Variants in ENOX2 observed in about 807,000 individuals in gnomAD.
ENOX2 encodes the protein APK1 antigen.
Under a neutral mutation model 45.0 loss-of-function variants are expected in ENOX2, and 36 were observed. The observed-to-expected ratio is 0.80, with a 90% CI of 0.61 to 1.06. The LOEUF (loss-of-function observed/expected upper bound fraction) is 1.06. Among genes scored for constraint, ENOX2 ranks in the 50% least tolerant of loss-of-function variants. The pLI is 0.00. For missense variants in ENOX2, 423 were observed against 462.5 expected (o/e 0.91, Z 0.78); for synonymous variants, 174 against 152.3 (o/e 1.14, Z -1.05).
intron 3 of ENOX2, among the ~76,000 whole-genome samples, chrX:130,779,223 T>C (rs750085825): frequency 8.9e-6 from 1 of 112,404 alleles, no homozygotes; most frequent in Admixed American, 9.4e-5. Flanking sequence ...AGACAATTTG[T>C]ACAGCTACAG....
intron 2 of ENOX2, among the ~76,000 whole-genome samples, chrX:130,844,891 C>G (rs1381295556): frequency 8.9e-6 from 1 of 111,825 alleles, no homozygotes; most frequent in African/African-American, 3.3e-5. Context: ...GGGGAGGAAC[C>G]AGATGGCATA....
At chrX:130,811,873 TAAACAAAC>T (rs777365775) in intron 2 of ENOX2, among the ~76,000 whole-genome samples, 1 of 111,817 alleles carries the variant, frequency 8.9e-6, no homozygotes, top group Non-Finnish European at 1.9e-5. Context: ...TTGAAATTAT[TAAACAAAC>T]AAACAAACAA....
intron 3 of ENOX2, among the ~76,000 whole-genome samples, chrX:130,777,268 G>A (rs1473815319): frequency 1.8e-5 from 2 of 110,598 alleles, no homozygotes; most frequent in Non-Finnish European, 3.8e-5. Context: ...GGAGGCTGAG[G>A]CGGGTGGATC....
chrX:130,791,543 C>T (rs933649799), intron 2 of ENOX2, among the ~76,000 whole-genome samples: 1 of 111,733 alleles, frequency 8.9e-6, no homozygotes, highest in African/African-American at 3.3e-5. Context: ...TGGTCAGCTG[C>T]GGCTCTCAGT....
At position 130,846,528 on chromosome X, in the gene ENOX2, G is replaced by C. The variant is rs1030392842; in HGVS notation, c.-183+55156C>G. On this transcript the variant is annotated intron_variant, in intron 2 of 14. Transcript: ENST00000394363. ...AATTTTGTATTTTTAGTAGAGACGG[G>C]GTTTTTCCATGTTGATCAGGCTGGT... 2.7e-5 allele frequency among the ~76,000 whole-genome samples: 3 copies of C among 110,982 alleles called. No individual in the cohort carries two copies. In the South Asian group the frequency reaches 1.1e-3, roughly 42 times the overall value.
intron 3 of ENOX2, among the ~76,000 whole-genome samples, chrX:130,726,849 G>A (rs900518321): frequency 8.9e-6 from 1 of 112,344 alleles, no homozygotes; most frequent in East Asian, 2.8e-4. Flanking sequence ...CCAAGGGATA[G>A]AGATCTTTTG....
intron 3 of ENOX2, among the ~76,000 whole-genome samples, chrX:130,720,873 A>G (rs1483725252): frequency 9.0e-6 from 1 of 111,726 alleles, no homozygotes; most frequent in Non-Finnish European, 1.9e-5. Flanking sequence ...AGTCCCAAGT[A>G]TAGAGCGACA....
chrX:130,835,589 G>A (rs747928720), intron 2 of ENOX2, among the ~76,000 whole-genome samples: 3 of 111,269 alleles, frequency 2.7e-5, no homozygotes, highest in Non-Finnish European at 5.7e-5. Flanking sequence ...GAATTAGCTA[G>A]GCAGAAAGCA....
At chrX:130,777,916 T>C (rs1569500685) in intron 3 of ENOX2, among the ~76,000 whole-genome samples, 1 of 112,246 alleles carries the variant, frequency 8.9e-6, no homozygotes, top group East Asian at 2.8e-4. Flanking sequence ...AGAAACTGAG[T>C]AGGGCTATTA....
chrX:130,887,135 T>C (rs1322521341), intron 2 of ENOX2, among the ~76,000 whole-genome samples: 2 of 111,527 alleles, frequency 1.8e-5, no homozygotes, highest in African/African-American at 6.5e-5. Flanking sequence ...TTCAGTACAG[T>C]TGAACTGAAG....
At chrX:130,720,575 A>C (rs1372875479) in intron 3 of ENOX2, among the ~76,000 whole-genome samples, 2 of 112,629 alleles carry the variant, frequency 1.8e-5, no homozygotes. Context: ...CTTCTGGCAG[A>C]GTCCAATACA....
intron 10 of ENOX2, among the ~76,000 whole-genome samples, chrX:130,650,682 G>T (rs2036375579): frequency 9.0e-6 from 1 of 111,695 alleles, no homozygotes; most frequent in Non-Finnish European, 1.9e-5. Context: ...CTCCTTTTTG[G>T]CTATTTCCTA....
intron 2 of ENOX2, among the ~76,000 whole-genome samples, chrX:130,810,183 C>A (rs182216986): frequency 2.3e-4 from 26 of 110,938 alleles, no homozygotes; most frequent in Non-Finnish European, 4.0e-4. Context: ...CAACACCAGG[C>A]TGCCTCAGTA....
rs750292875 is a variant in ENOX2 at position 130,657,706 on chromosome X, C to T, written c.1015-1011G>A. ...TAAGTAAATTGACCGTTACGACAAA[C>T]GAAAACAAAGTCAACATTCTTTGAA... On this transcript the variant is annotated intron_variant, in intron 9 of 14. Coordinates refer to ENST00000394363, the MANE Select transcript of ENOX2 (RefSeq NM_006375.4). 2.1e-4 allele frequency among the ~76,000 whole-genome samples: 23 copies of T among 112,132 alleles called. No individual in the cohort carries two copies. The East Asian group carries it at 3.4e-3, about 16-fold the overall frequency.
chrX:130,625,224 C>A lies in ENOX2; in HGVS notation c.*90G>T. The A allele has an allele frequency of 3.0e-6, 3 of 1,015,714 alleles. No individual in the cohort carries two copies. The highest frequency in any genetic ancestry group is 4.0e-6 in the Non-Finnish European group (3 of 751,588). 83.7% of individuals were successfully genotyped at this position (1,015,714 alleles called of 1,213,427 possible). On this transcript the variant is annotated 3_prime_UTR_variant, in exon 15 of 15. Transcript: ENST00000394363. Reference sequence around the variant, plus strand: ...GAACTGACAAATTCAAAGGAACTTCCACTTGAAAACCATTAAAAATATAAA... The same window carrying A: ...GAACTGACAAATTCAAAGGAACTTCAACTTGAAAACCATTAAAAATATAAA...
intron 3 of ENOX2, among the ~76,000 whole-genome samples, chrX:130,749,373 C>T (rs896396173): frequency 4.5e-5 from 5 of 111,444 alleles, no homozygotes; most frequent in Non-Finnish European, 7.5e-5. Flanking sequence ...AGGAGAAAAG[C>T]GGTCAGTTTG....
intron 9 of ENOX2, 24 bp from the exon 10 acceptor site, chrX:130,656,719 T>C (rs1490971184): frequency 2.4e-6 from 2 of 845,467 alleles, no homozygotes; most frequent in Non-Finnish European, 3.5e-6. Flanking sequence ...GTATGCTTTT[T>C]AGGTGGGAAT....
intron 3 of ENOX2, among the ~76,000 whole-genome samples, chrX:130,715,124 C>G (rs190264863): frequency 2.7e-3 from 298 of 111,441 alleles, no homozygotes; most frequent in African/African-American, 8.8e-3. Flanking sequence ...CAACTGGAGT[C>G]ATTTTGTATT....
chrX:130,743,296 A>G (rs1284623947), intron 3 of ENOX2, among the ~76,000 whole-genome samples: 1 of 111,744 alleles, frequency 8.9e-6, no homozygotes, highest in Non-Finnish European at 1.9e-5. Context: ...AAAAGTAGAT[A>G]TACCTCAGGC....
Sources: gnomAD v4.1 joint callset for allele counts (sites outside exome capture counted in the v4.1 genomes callset) on GRCh38, gnomAD v4.1.1 for gene constraint, MANE v1.5 for transcripts, NCBI Gene and HGNC (gene_info 2026-07-23, HGNC 2026-07-21) for gene names.